CFAP299: variants seen among roughly 807,000 people sequenced by gnomAD.
CFAP299 encodes the protein cilia- and flagella-associated protein 299.
In CFAP299, 21 loss-of-function variants were observed where a neutral mutation model predicts 27.0. The observed-to-expected ratio is 0.78, with a 90% CI of 0.55 to 1.12. The LOEUF (loss-of-function observed/expected upper bound fraction) is 1.12, where lower values mean the gene tolerates loss of function less well. Among genes scored for constraint, CFAP299 ranks in the 50% most tolerant of loss-of-function variants. CFAP299 has a pLI of 0.00. For missense variants in CFAP299, 310 were observed against 276.6 expected, an observed-to-expected ratio of 1.12 and a Z score of -0.86; for synonymous variants, 104 against 98.1, an observed-to-expected ratio of 1.06 and a Z score of -0.36.
At chr4:80,424,762 C>G (rs927625340) in intron 2 of CFAP299, among the ~76,000 whole-genome samples, 1 of 152,194 alleles carries the variant, frequency 6.6e-6, no homozygotes, top group East Asian at 1.9e-4. Flanking sequence ...TCTTCACATT[C>G]ACTGACTGGA....
At chr4:80,507,663 A>G (rs1009687129) in intron 2 of CFAP299, among the ~76,000 whole-genome samples, 1 of 152,110 alleles carries the variant, frequency 6.6e-6, no homozygotes, top group Non-Finnish European at 1.5e-5. Flanking sequence ...GTCTAATTAC[A>G]TCTCCTACCT....
chr4:80,444,833 A>G (rs1728537114), intron 2 of CFAP299, among the ~76,000 whole-genome samples: 1 of 152,194 alleles, frequency 6.6e-6, no homozygotes, highest in Admixed American at 6.5e-5. Context: ...AATTTACAAG[A>G]AAAAAACAAC....
chr4:80,521,993 G>C (rs1208318440), intron 2 of CFAP299, among the ~76,000 whole-genome samples: 1 of 151,892 alleles, frequency 6.6e-6, no homozygotes, highest in Non-Finnish European at 1.5e-5. Flanking sequence ...AAGTGAGATT[G>C]TTGCATCATA....
chr4:80,364,089 A>AACACACACACACACACACACACACAC (rs56300395), intron 2 of CFAP299, among the ~76,000 whole-genome samples: 15,875 of 110,488 alleles, frequency 0.14, 1,786 homozygotes, highest in East Asian at 0.22. Flanking sequence ...TCCGTCTCAA[A>AACACACACACACACACACACACACAC]ACACACACAC....
intron 2 of CFAP299, among the ~76,000 whole-genome samples, chr4:80,479,076 G>C (rs1403990349): frequency 6.6e-6 from 1 of 151,790 alleles, no homozygotes; most frequent in Non-Finnish European, 1.5e-5. Flanking sequence ...AATTATAGTA[G>C]GGCTTTGGTC....
chr4:80,463,207 A>G (rs1406943308), intron 2 of CFAP299, among the ~76,000 whole-genome samples: 1 of 152,154 alleles, frequency 6.6e-6, no homozygotes, highest in Admixed American at 6.5e-5. Flanking sequence ...AAACTTTTAT[A>G]AAACAAAGGA....
intron 2 of CFAP299, among the ~76,000 whole-genome samples, chr4:80,495,820 C>T (rs1345063419): frequency 6.6e-6 from 1 of 152,192 alleles, no homozygotes; most frequent in African/African-American, 2.4e-5. Flanking sequence ...AAACGTACAA[C>T]TTACCATTGC....
intron 3 of CFAP299, among the ~76,000 whole-genome samples, chr4:80,842,464 C>T (rs545560378): frequency 3.5e-4 from 53 of 152,164 alleles, no homozygotes; most frequent in African/African-American, 1.1e-3. Flanking sequence ...TTACTTAACG[C>T]CTCTTAAATC....
chr4:80,466,926 T>C (rs1215648423), intron 2 of CFAP299, among the ~76,000 whole-genome samples: 2 of 152,224 alleles, frequency 1.3e-5, no homozygotes, highest in East Asian at 1.9e-4. Context: ...AGAAACTTGA[T>C]GAAAGGTAAT....
At chr4:80,717,075 A>G (rs1177737386) in intron 3 of CFAP299, among the ~76,000 whole-genome samples, 2 of 152,160 alleles carry the variant, frequency 1.3e-5, no homozygotes, top group Non-Finnish European at 2.9e-5. Context: ...TAATCTGCTC[A>G]GTGCTGGGGC....
At position 80,385,257 on chromosome 4, in the gene CFAP299, C is replaced by G. The variant is rs75960735; in HGVS notation, c.242+22373C>G. 7.1e-3 allele frequency among the ~76,000 whole-genome samples: 1,086 copies of G among 152,250 alleles called. 50 individuals carry two copies. In the East Asian group the frequency reaches 0.12, roughly 17 times the overall value. On this transcript the variant is annotated intron_variant, in intron 2 of 5. Transcript: ENST00000358105. ...GTCTCATTTCCCATCCCTCTCCAGT[C>G]TCTGGCAACCATTTTCATCTCCATT...
intron 2 of CFAP299, among the ~76,000 whole-genome samples, chr4:80,457,144 T>C (rs971714416): frequency 6.6e-6 from 1 of 152,128 alleles, no homozygotes; most frequent in Non-Finnish European, 1.5e-5. Context: ...AACTTTGAAG[T>C]AGGGTATAAA....
intron 3 of CFAP299, among the ~76,000 whole-genome samples, chr4:80,845,905 A>C (rs1355018044): frequency 6.6e-6 from 1 of 152,188 alleles, no homozygotes; most frequent in Non-Finnish European, 1.5e-5. Flanking sequence ...TTTTCTTTCT[A>C]TCAAGCATGC....
At chr4:80,720,873 AAAATTAGATG>A (rs1288252630) in intron 3 of CFAP299, among the ~76,000 whole-genome samples, 3 of 152,166 alleles carry the variant, frequency 2.0e-5, no homozygotes, top group Non-Finnish European at 4.4e-5. Flanking sequence ...CCATATTCAA[AAAATTAGATG>A]AAAGTCTAAA....
intron 3 of CFAP299, among the ~76,000 whole-genome samples, chr4:80,664,846 G>A (rs1317368733): frequency 6.6e-6 from 1 of 152,112 alleles, no homozygotes; most frequent in Non-Finnish European, 1.5e-5. Context: ...TGAAACCCAG[G>A]GCCCTGGTGG....
intron 4 of CFAP299, among the ~76,000 whole-genome samples, chr4:80,930,438 G>A (rs1235086249): frequency 1.3e-5 from 2 of 152,174 alleles, no homozygotes; most frequent in Admixed American, 6.5e-5. Context: ...CACAGATAAA[G>A]CAACTTAAAT....
chr4:80,959,978 A>T (rs879630583), intron 5 of CFAP299, among the ~76,000 whole-genome samples: 3 of 151,962 alleles, frequency 2.0e-5, no homozygotes, highest in Non-Finnish European at 2.9e-5. Context: ...TTAGCTCTTT[A>T]TATGTGAGGA....
At chr4:80,891,054 C>G (rs1342273507) in intron 4 of CFAP299, among the ~76,000 whole-genome samples, 1 of 151,616 alleles carries the variant, frequency 6.6e-6, no homozygotes, top group African/African-American at 2.4e-5. Context: ...TGCAGAAGCT[C>G]TTTAGTTTAA....
chr4:80,632,010 G>C (rs937316245), intron 3 of CFAP299, among the ~76,000 whole-genome samples: 2 of 151,890 alleles, frequency 1.3e-5, no homozygotes, highest in Admixed American at 6.6e-5. Flanking sequence ...AGGCCCCAGA[G>C]AGCTGCTTTG....
Sources: allele counts gnomAD v4.1 joint callset (sites outside exome capture counted in the v4.1 genomes callset), GRCh38; gene constraint gnomAD v4.1.1; transcripts MANE v1.5; gene names NCBI Gene and HGNC (gene_info 2026-07-23, HGNC 2026-07-21).